The following KCNH1 variants were observed in gnomAD, a reference collection of about 807,000 sequenced individuals.
The protein encoded by KCNH1 is voltage-gated delayed rectifier potassium channel KCNH1.
KCNH1 carries 27 observed loss-of-function variants against 69.2 expected under a neutral mutation model. That is an observed-to-expected ratio of 0.39 (90% confidence interval 0.29 to 0.54). The LOEUF is 0.54. Ranked by LOEUF, KCNH1 falls within the 20% of genes least tolerant of loss-of-function variation. The probability of loss-of-function intolerance (pLI) is 0.68; values close to 1 mark genes in which losing one functional copy is unlikely to be tolerated. For missense variants in KCNH1, 798 were observed against 1,261.6 expected, an observed-to-expected ratio of 0.63 and a Z score of 5.57; for synonymous variants, 456 against 487.7, an observed-to-expected ratio of 0.93 and a Z score of 0.86.
chr1:210,829,699 C>T (rs1238646220), intron 7 of KCNH1, among the ~76,000 whole-genome samples: 1 of 152,162 alleles, frequency 6.6e-6, no homozygotes, highest in Non-Finnish European at 1.5e-5. Flanking sequence ...AACTACATCT[C>T]TTTTAAGTCT....
intron 5 of KCNH1, among the ~76,000 whole-genome samples, chr1:211,042,158 T>C (rs1690007090): frequency 6.6e-6 from 1 of 152,212 alleles, no homozygotes; most frequent in African/African-American, 2.4e-5. Flanking sequence ...CTTTTAGGTC[T>C]CAAATTAAGT....
intron 6 of KCNH1, among the ~76,000 whole-genome samples, chr1:210,978,461 T>C (rs1390528215): frequency 6.6e-6 from 1 of 151,738 alleles, no homozygotes; most frequent in Non-Finnish European, 1.5e-5. Flanking sequence ...GATTGACTGC[T>C]TTTTTTTCCT....
At chr1:210,894,070 G>A (rs1009255254) in intron 7 of KCNH1, among the ~76,000 whole-genome samples, 1 of 152,154 alleles carries the variant, frequency 6.6e-6, no homozygotes, top group Admixed American at 6.6e-5. Flanking sequence ...TTGGCTGACT[G>A]ATTTTTCTCC....
chr1:210,686,028 G>C (rs1681401279), intron 10 of KCNH1, among the ~76,000 whole-genome samples: 1 of 152,142 alleles, frequency 6.6e-6, no homozygotes, highest in Non-Finnish European at 1.5e-5. Flanking sequence ...CCAGTATGTG[G>C]CTTTCTGACC....
At chr1:210,883,761 T>G (rs1686543912) in intron 7 of KCNH1, among the ~76,000 whole-genome samples, 1 of 152,246 alleles carries the variant, frequency 6.6e-6, no homozygotes, top group Non-Finnish European at 1.5e-5. Flanking sequence ...CAGCCCATTT[T>G]CATTAACGCC....
intron 6 of KCNH1, among the ~76,000 whole-genome samples, chr1:210,935,838 T>C (rs1687766966): frequency 6.6e-6 from 1 of 152,228 alleles, no homozygotes; most frequent in Non-Finnish European, 1.5e-5. Context: ...TAAATCTCAG[T>C]AAACTCTGTT....
intron 7 of KCNH1, among the ~76,000 whole-genome samples, chr1:210,851,977 G>A (rs1685717215): frequency 6.6e-6 from 1 of 152,206 alleles, no homozygotes; most frequent in African/African-American, 2.4e-5. Flanking sequence ...ATCAGACTTG[G>A]CCTTTGCCCC....
intron 6 of KCNH1, among the ~76,000 whole-genome samples, chr1:210,955,519 T>G (rs1278996490): frequency 1.3e-5 from 2 of 152,234 alleles, no homozygotes; most frequent in African/African-American, 4.8e-5. Flanking sequence ...CGATATTGAT[T>G]CTTCCTGTCC....
At chr1:210,940,769 A>T (rs12122974) in intron 6 of KCNH1, among the ~76,000 whole-genome samples, 8,459 of 152,282 alleles carry the variant, frequency 0.056, 327 homozygotes, top group East Asian at 0.2. Flanking sequence ...TTATCAAACC[A>T]TATCTCCATC....
chr1:210,784,442 G>A (rs1326799140), intron 9 of KCNH1, among the ~76,000 whole-genome samples: 5 of 152,332 alleles, frequency 3.3e-5, no homozygotes, highest in African/African-American at 1.2e-4. Context: ...CATGTAAGTA[G>A]TGAAAATACA....
intron 10 of KCNH1, among the ~76,000 whole-genome samples, chr1:210,735,457 TGTGTG>T (rs1682856382): frequency 7.3e-6 from 1 of 137,736 alleles, no homozygotes; most frequent in African/African-American, 2.7e-5. Flanking sequence ...TGTGTGTGTG[TGTGTG>T]TGTGATGCTG....
chr1:210,732,062 T>C (rs1054622039), intron 10 of KCNH1, among the ~76,000 whole-genome samples: 1 of 152,042 alleles, frequency 6.6e-6, no homozygotes, highest in African/African-American at 2.4e-5. Context: ...ATTCATCCGA[T>C]GGGAGGGAGC....
intron 3 of KCNH1, among the ~76,000 whole-genome samples, chr1:211,102,306 C>T (rs1056873091): frequency 6.6e-5 from 10 of 152,140 alleles, no homozygotes; most frequent in Non-Finnish European, 1.5e-4. Context: ...ATGTCTTTCC[C>T]ATGAGAAAGC....
At chr1:211,014,441 C>T (rs17188797) in intron 6 of KCNH1, among the ~76,000 whole-genome samples, 22,990 of 152,182 alleles carry the variant, frequency 0.15, 2,263 homozygotes, top group Non-Finnish European at 0.22. Flanking sequence ...CGGAGAATGA[C>T]GCAAATGTAG....
At chr1:210,702,178 C>T (rs1008615049) in intron 10 of KCNH1, among the ~76,000 whole-genome samples, 2 of 152,300 alleles carry the variant, frequency 1.3e-5, no homozygotes, top group African/African-American at 4.8e-5. Context: ...TTCTTAACCT[C>T]TTAAAGTTTC....
chr1:211,031,917 C>T (rs953430486), intron 5 of KCNH1, among the ~76,000 whole-genome samples: 1 of 151,530 alleles, frequency 6.6e-6, no homozygotes, highest in South Asian at 2.1e-4. Context: ...CCAGGGCAAT[C>T]AGGCAGGAGA....
intron 6 of KCNH1, among the ~76,000 whole-genome samples, chr1:211,012,418 C>T (rs1283366081): frequency 1.3e-5 from 2 of 151,942 alleles, no homozygotes; most frequent in Middle Eastern, 3.2e-3. Flanking sequence ...ATTGCTATTG[C>T]TAAATAAATC....
intron 3 of KCNH1, 104 bp downstream of exon 3, chr1:211,103,392 A>T: frequency 3.0e-6 from 2 of 666,900 alleles, no homozygotes; most frequent in Non-Finnish European, 5.2e-6. Context: ...AACAGCATTT[A>T]GCTGGTGGGA....
intron 6 of KCNH1, among the ~76,000 whole-genome samples, chr1:210,996,272 G>A (rs1000339821): frequency 5.2e-4 from 79 of 152,138 alleles, no homozygotes; most frequent in Admixed American, 9.8e-4. Context: ...GGAAAATCGG[G>A]TCACTCCCAC....
Sources: gnomAD v4.1 joint callset for allele counts (sites outside exome capture counted in the v4.1 genomes callset) on GRCh38, gnomAD v4.1.1 for gene constraint, MANE v1.5 for transcripts, NCBI Gene and HGNC (gene_info 2026-07-23, HGNC 2026-07-21) for gene names.